The following MAJIN variants were observed in gnomAD, a reference collection of about 807,000 sequenced individuals.
The protein encoded by MAJIN is membrane anchored junction protein.
In MAJIN, 27 loss-of-function variants were observed where a neutral mutation model predicts 30.2. That is an observed-to-expected ratio of 0.89 (90% CI 0.66 to 1.23). The LOEUF is 1.23. Ranked by LOEUF, MAJIN falls within the 50% of genes most tolerant of loss-of-function variation. The pLI, the probability that MAJIN is intolerant of heterozygous loss-of-function variation, is 0.00. For synonymous variants in MAJIN, 78 were observed against 91.6 expected (o/e 0.85, Z 0.85); for missense variants, 253 against 260.3 (o/e 0.97, Z 0.19).
chr11:64,948,604 TATATATATATATATA>T lies in MAJIN; in HGVS notation c.350-800_350-786del, dbSNP rs1445580881. Among the ~76,000 whole-genome samples, 121 of 21,486 alleles carry T rather than the reference TATATATATATATATA, an allele frequency of 5.6e-3. 2 individuals carry two copies. Among genetic ancestry groups the T allele is most frequent in the African/African-American group, 0.019 (110 of 5,720 alleles). 14.1% of individuals were successfully genotyped at this position (21,486 alleles called of 152,430 possible). ...ACCACCACCATGTCGGGCTACATCA[TATATATATATATATA>T]TATATATATATATATATATATTTTT... On this transcript the variant is annotated intron_variant, in intron 6 of 10. Transcript: ENST00000301896.
At chr11:64,959,155 C>A (rs1346487813) in intron 3 of MAJIN, 150 bp downstream of exon 3, 408 of 365,698 alleles carry the variant, frequency 1.1e-3, no homozygotes, top group East Asian at 2.2e-3. Context: ...AATATATATA[C>A]TGAATATAAA....
chr11:64,947,366 C>A lies in MAJIN; in HGVS notation c.473+8G>T. On this transcript the variant is annotated splice_region_variant and intron_variant, in intron 8 of 10. Transcript: ENST00000301896. The stretch of plus-strand genomic sequence containing the variant: ...GCAGGAGCGAGCCTCTCTCCCCACA[C>A]CACTGACCTGTCCAGCCCTGGCCTG... The A allele has an allele frequency of 6.2e-7, 1 of 1,611,702 alleles. No homozygotes were observed. The highest frequency in any genetic ancestry group is 2.2e-5 in the East Asian group (1 of 44,878).
At chr11:64,939,388 C>A (rs1945338472) in intron 10 of MAJIN, among the ~76,000 whole-genome samples, 1 of 152,250 alleles carries the variant, frequency 6.6e-6, no homozygotes, top group South Asian at 2.1e-4. Flanking sequence ...GCATGAGCCA[C>A]CCGGCCTGGC....
At chr11:64,947,680 TG>T in intron 7 of MAJIN, 107 bp downstream of exon 7, 2 of 1,252,558 alleles carry the variant, frequency 1.6e-6, no homozygotes, top group Non-Finnish European at 2.3e-6. Flanking sequence ...TGACTGGACC[TG>T]GGCAGCAACT....
chr11:64,946,577 A>C (rs1945455872), intron 8 of MAJIN, among the ~76,000 whole-genome samples: 1 of 152,012 alleles, frequency 6.6e-6, no homozygotes, highest in Non-Finnish European at 1.5e-5. Context: ...GCATCTGGAG[A>C]GCATGGGGTC....
Position 64,972,018 on chromosome 11 carries a change from A to C in MAJIN, c.-206T>G, listed in dbSNP as rs1357044016. On this transcript the variant is annotated 5_prime_UTR_variant, in exon 1 of 11. Coordinates refer to ENST00000301896, the MANE Select transcript of MAJIN (RefSeq NM_001037225.3). ...AAAAGGCGGGCGCCAACCTCGAACGAAGTCGTTTTGAGGGACTGGCTCGCC... is the reference window on the plus strand; with the variant it reads ...AAAAGGCGGGCGCCAACCTCGAACGCAGTCGTTTTGAGGGACTGGCTCGCC... The C allele has an allele frequency of 2.0e-5, 3 of 152,172 alleles. No homozygotes were observed. Among genetic ancestry groups the C allele is most frequent in the Non-Finnish European group, 2.9e-5 (2 of 68,030 alleles). The allele number at this position is 152,172 out of a possible 1,614,324, so 9.4% of individuals were successfully genotyped here. A position where few individuals can be genotyped will look rare whatever the true frequency, so the allele number is the denominator to read the frequency against.
rs918415312 is a variant in MAJIN at position 64,946,223 on chromosome 11, G to A, written c.473+1151C>T. On this transcript the variant is annotated intron_variant, in intron 8 of 10. Transcript: ENST00000301896. The stretch of plus-strand genomic sequence containing the variant: ...AATATCACTACATTCAAGCAAATGT[G>A]GCCCAAATGAATATTTCAGCAGGTT... 11 of 1,439,424 alleles carry A rather than the reference G, an allele frequency of 7.6e-6. No homozygotes were observed. In the African/African-American group the frequency reaches 1.4e-4, roughly 19 times the overall value. 89.2% of individuals were successfully genotyped at this position (1,439,424 alleles called of 1,614,324 possible). A position where few individuals can be genotyped will look rare whatever the true frequency, so the allele number is the denominator to read the frequency against.
intron 2 of MAJIN, among the ~76,000 whole-genome samples, chr11:64,959,681 T>C (rs2136795031): frequency 6.6e-6 from 1 of 152,290 alleles, no homozygotes; most frequent in Admixed American, 6.5e-5. Flanking sequence ...GCAAATCATT[T>C]CTCTTCCAGA....
intron 9 of MAJIN, 55 bp from the exon 10 acceptor site, chr11:64,939,822 T>A (rs1164867711): frequency 1.9e-6 from 3 of 1,543,176 alleles, no homozygotes; most frequent in Non-Finnish European, 2.7e-6. Context: ...GCCGTTTTCA[T>A]GTGAGTAGAA....
chr11:64,950,576 C>T lies in MAJIN; in HGVS notation c.148-146G>A, dbSNP rs564051356. On this transcript the variant is annotated intron_variant, in intron 4 of 10. Coordinates refer to ENST00000301896, the MANE Select transcript of MAJIN (RefSeq NM_001037225.3). ...TAACACGTGTTCTGATTCTCCATTT[C>T]TTTTTCTTTCTTTCTTTCTTTTTTT... The T allele has an allele frequency of 5.4e-5, 35 of 645,772 alleles. No homozygotes were observed. In the East Asian group the frequency reaches 1.1e-3, roughly 20 times the overall value. The allele number at this position is 645,772 out of a possible 1,614,324, so 40.0% of individuals were successfully genotyped here. A position where few individuals can be genotyped will look rare whatever the true frequency, so the allele number is the denominator to read the frequency against.
intron 1 of MAJIN, among the ~76,000 whole-genome samples, chr11:64,967,413 G>GA (rs1554973254): frequency 5.5e-4 from 82 of 148,980 alleles, no homozygotes; most frequent in African/African-American, 2.0e-3. Context: ...TCTCAAAAAA[G>GA]AAAAAGAAAA....
chr11:64,966,362 CTG>C (rs1338000535), intron 1 of MAJIN, among the ~76,000 whole-genome samples: 1 of 151,338 alleles, frequency 6.6e-6, no homozygotes, highest in Non-Finnish European at 1.5e-5. Context: ...TGGTGAAACT[CTG>C]TCTCTACTAA....
intron 6 of MAJIN, among the ~76,000 whole-genome samples, chr11:64,948,901 G>A (rs1384773263): frequency 1.4e-5 from 2 of 147,848 alleles, no homozygotes; most frequent in Admixed American, 6.8e-5. Flanking sequence ...TGATCCTCTT[G>A]CCTCGGCCTC....
At position 64,947,807 on chromosome 11, in the gene MAJIN, C is replaced by T; in HGVS notation, c.362G>A (p.Ser121Asn). The change falls in exon 7 of 11, where the codon AGT (serine) becomes AAT (asparagine). Residue 121 changes from serine to asparagine, a missense_variant. Coordinates refer to ENST00000301896, the MANE Select transcript of MAJIN (RefSeq NM_001037225.3). Reference protein sequence around the residue: ...HENLSPGKPISDSPLGLVPVE... With the variant: ...HENLSPGKPINDSPLGLVPVE... ...ACTTACCAACCCAAGAGGACTGTCA[C>T]TTATTGGTTTCCCTACAATAGGAAA... 6.2e-7 allele frequency: 1 copy of T among 1,608,804 alleles called. No homozygotes were observed. The highest frequency in any genetic ancestry group is 1.3e-5 in the African/African-American group (1 of 74,322).
intron 3 of MAJIN, among the ~76,000 whole-genome samples, chr11:64,957,619 C>T (rs184210869): frequency 1.7e-3 from 252 of 151,658 alleles, no homozygotes; most frequent in African/African-American, 5.8e-3. Context: ...GACCAGGCTG[C>T]TCTTGAACTC....
chr11:64,954,720 A>G (rs370427528), intron 4 of MAJIN, 37 bp downstream of exon 4: 19 of 1,601,016 alleles, frequency 1.2e-5, no homozygotes, highest in Middle Eastern at 3.3e-4. Context: ...ATCCTTAAAG[A>G]GTAACTTTTC....
chr11:64,947,246 T>C, intron 8 of MAJIN, 128 bp downstream of exon 8: 2 of 663,344 alleles, frequency 3.0e-6, no homozygotes. Flanking sequence ...CCACCCACTG[T>C]AATAGGCAGA....
chr11:64,967,111 T>G (rs1045122740), intron 1 of MAJIN, among the ~76,000 whole-genome samples: 2 of 150,304 alleles, frequency 1.3e-5, no homozygotes, highest in Middle Eastern at 3.2e-3. Flanking sequence ...CTGTATCATA[T>G]AAAAAAAAGA....
chr11:64,967,211 G>A (rs1031499940), intron 1 of MAJIN, among the ~76,000 whole-genome samples: 5 of 151,906 alleles, frequency 3.3e-5, no homozygotes, highest in African/African-American at 4.8e-5. Flanking sequence ...AGTTCGAGAC[G>A]AACCTGGCCA....
Sources: gnomAD v4.1 joint callset for allele counts (sites outside exome capture counted in the v4.1 genomes callset) on GRCh38, gnomAD v4.1.1 for gene constraint, MANE v1.5 for transcripts, NCBI Gene and HGNC (gene_info 2026-07-23, HGNC 2026-07-21) for gene names.